The following DARS1 variants were observed in gnomAD, a reference collection of about 807,000 sequenced individuals.
The protein encoded by DARS1 is aspartate--tRNA ligase, cytoplasmic.
DARS1 carries 51 observed loss-of-function variants against 68.8 expected under a neutral mutation model. That is an observed-to-expected ratio of 0.74 (90% CI 0.59 to 0.94). The LOEUF is 0.94. Among genes scored for constraint, DARS1 ranks in the 40% least tolerant of loss-of-function variants. The probability of loss-of-function intolerance (pLI) is 0.00; values close to 1 mark genes in which losing one functional copy is unlikely to be tolerated. For synonymous variants in DARS1, 203 were observed against 190.4 expected (o/e 1.07, Z -0.55); for missense variants, 607 against 597.3 (o/e 1.02, Z -0.17).
chr2:135,911,728 T>C (rs1325545744), intron 13 of DARS1: 1 of 374,554 alleles, frequency 2.7e-6, no homozygotes, highest in African/African-American at 2.1e-5. Context: ...GAGCATCACA[T>C]CTAATTTTTA....
At chr2:135,918,135 G>C (rs1558778399) in intron 10 of DARS1, among the ~76,000 whole-genome samples, 1 of 151,958 alleles carries the variant, frequency 6.6e-6, no homozygotes, top group African/African-American at 2.4e-5. Flanking sequence ...TGGCCAGTCT[G>C]GTCTCAAACT....
chr2:135,983,565 T>C (rs547325738), intron 1 of DARS1, 111 bp from the exon 2 acceptor site: 1 of 553,556 alleles, frequency 1.8e-6, no homozygotes, highest in African/African-American at 1.9e-5. Flanking sequence ...TCAGGATCAT[T>C]TTATTAATTC....
chr2:135,909,354 A>G (rs1680851205), intron 15 of DARS1, among the ~76,000 whole-genome samples: 2 of 152,190 alleles, frequency 1.3e-5, no homozygotes, highest in Admixed American at 1.3e-4. Flanking sequence ...AATTTTGCCC[A>G]GCTTTATTGA....
At chr2:135,950,410 G>A (rs984035654) in intron 4 of DARS1, among the ~76,000 whole-genome samples, 1 of 152,124 alleles carries the variant, frequency 6.6e-6, no homozygotes, top group Non-Finnish European at 1.5e-5. Context: ...TAGTTAGCTC[G>A]TTCACTAACT....
In DARS1 at chr2:135,943,429, A is replaced by G. The variant is rs758674652; in HGVS notation, c.372T>C (p.Asn124=). The G allele has an allele frequency of 6.2e-7, 1 of 1,613,544 alleles. No individual in the cohort carries two copies. The highest frequency in any genetic ancestry group is 8.5e-7 in the Non-Finnish European group (1 of 1,179,844). Residue 124 remains asparagine (N), a synonymous_variant, in exon 5 of 16, where the codon AAT becomes AAC. Transcript: ENST00000264161. The part of the protein sequence containing the change: ...VDVEGVVRKV[N]QKIGSCTQQD... ...GCTGTGTACAGCTTCCAATTTTCTG[A>G]TTCACTTTTCTCACAACACCTTCTA...
At chr2:135,916,176 TG>T in intron 11 of DARS1, 49 bp downstream of exon 11, 1 of 1,080,646 alleles carries the variant, frequency 9.3e-7, no homozygotes, top group Non-Finnish European at 1.4e-6. Context: ...CTGCACGTTC[TG>T]CACATGGATC....
At chr2:135,942,457 G>A (rs1226772055) in intron 5 of DARS1, among the ~76,000 whole-genome samples, 2 of 138,182 alleles carry the variant, frequency 1.4e-5, no homozygotes, top group Admixed American at 1.7e-4. Flanking sequence ...TGAACAATGA[G>A]ATCACTTGGA....
intron 5 of DARS1, among the ~76,000 whole-genome samples, chr2:135,941,946 C>G (rs1025369312): frequency 6.6e-6 from 1 of 152,030 alleles, no homozygotes; most frequent in Non-Finnish European, 1.5e-5. Context: ...CAAATCAAAA[C>G]CAATGAGATA....
intron 7 of DARS1, among the ~76,000 whole-genome samples, chr2:135,928,894 C>T (rs144202978): frequency 6.6e-6 from 1 of 152,164 alleles, no homozygotes; most frequent in Non-Finnish European, 1.5e-5. Context: ...TGTGCTCGGC[C>T]AGAATTATGT....
At chr2:135,971,438 C>T (rs975613854) in intron 3 of DARS1, among the ~76,000 whole-genome samples, 1 of 152,078 alleles carries the variant, frequency 6.6e-6, no homozygotes, top group African/African-American at 2.4e-5. Context: ...AAGGAACATA[C>T]CTTAACATAA....
At position 135,935,704 on chromosome 2, in the gene DARS1, G is replaced by A. The variant is rs374183579; in HGVS notation, c.424-1714C>T. Among the ~76,000 whole-genome samples, 4 of 152,238 alleles carry A rather than the reference G, an allele frequency of 2.6e-5. No homozygotes were observed. In the South Asian group the frequency reaches 8.3e-4, roughly 32 times the overall value. ...ACTGGGTCATAAAGACTGAACTAGA[G>A]TTTTTTGCTTTTTGTTTTTCTGGCT... On this transcript the variant is annotated intron_variant, in intron 5 of 15. Coordinates refer to ENST00000264161, the MANE Select transcript of DARS1 (RefSeq NM_001349.4).
intron 10 of DARS1, among the ~76,000 whole-genome samples, chr2:135,919,317 C>T (rs532944287): frequency 2.0e-5 from 3 of 152,194 alleles, no homozygotes; most frequent in African/African-American, 4.8e-5. Flanking sequence ...AGGCGTGAGC[C>T]ACCTTGCCAG....
chr2:135,938,130 A>C (rs1681510287), intron 5 of DARS1, among the ~76,000 whole-genome samples: 1 of 152,200 alleles, frequency 6.6e-6, no homozygotes, highest in Admixed American at 6.5e-5. Context: ...TACACCAATC[A>C]GACGTAGATT....
At chr2:135,950,118 G>A (rs550525001) in intron 4 of DARS1, among the ~76,000 whole-genome samples, 8 of 152,206 alleles carry the variant, frequency 5.3e-5, no homozygotes, top group Non-Finnish European at 8.8e-5. Flanking sequence ...GTTAAATATA[G>A]GGCTTCATGG....
chr2:135,920,233 C>A (rs2104799801), intron 10 of DARS1, among the ~76,000 whole-genome samples: 1 of 152,270 alleles, frequency 6.6e-6, no homozygotes, highest in South Asian at 2.1e-4. Flanking sequence ...TTTACTAGCA[C>A]AATAGAGGTT....
chr2:135,941,333 A>G (rs1681592292), intron 5 of DARS1, among the ~76,000 whole-genome samples: 1 of 152,230 alleles, frequency 6.6e-6, no homozygotes, highest in African/African-American at 2.4e-5. Context: ...GGAACAGAAC[A>G]GAGCCCTCAG....
intron 4 of DARS1, among the ~76,000 whole-genome samples, chr2:135,949,424 A>C (rs759876302): frequency 1.3e-5 from 2 of 152,218 alleles, no homozygotes; most frequent in Non-Finnish European, 1.5e-5. Flanking sequence ...CACATACAAA[A>C]AAATTTTTTT....
intron 4 of DARS1, among the ~76,000 whole-genome samples, chr2:135,951,662 T>C (rs1681841581): frequency 6.6e-6 from 1 of 152,180 alleles, no homozygotes; most frequent in African/African-American, 2.4e-5. Context: ...CAACAACACT[T>C]GGGTGCACTC....
intron 7 of DARS1, among the ~76,000 whole-genome samples, chr2:135,925,306 T>A (rs911277679): frequency 6.6e-6 from 1 of 152,198 alleles, no homozygotes; most frequent in African/African-American, 2.4e-5. Flanking sequence ...AAAATAGCTA[T>A]CCTATGACTA....
Sources: gnomAD v4.1 joint callset for allele counts (sites outside exome capture counted in the v4.1 genomes callset) on GRCh38, gnomAD v4.1.1 for gene constraint, MANE v1.5 for transcripts, NCBI Gene and HGNC (gene_info 2026-07-23, HGNC 2026-07-21) for gene names.